The following NCKAP5 variants were observed in gnomAD, a reference collection of about 807,000 sequenced individuals.
NCKAP5 encodes nck-associated protein 5.
In NCKAP5, 92 loss-of-function variants were observed where a neutral mutation model predicts 167.0. The ratio of observed to expected loss-of-function variants is 0.55; its 90% CI spans 0.47 to 0.66. The LOEUF is 0.66. Ranked by LOEUF, NCKAP5 falls within the 30% of genes least tolerant of loss-of-function variation. NCKAP5 has a pLI of 0.00. For missense variants in NCKAP5, 2,378 were observed against 2,315.0 expected (o/e 1.03, Z -0.56); for synonymous variants, 891 against 877.4 (o/e 1.02, Z -0.27).
chr2:133,621,634 T>C, the NCKAP5 span, among the ~76,000 whole-genome samples: 1 of 151,884 alleles, frequency 6.6e-6, no homozygotes, highest in Admixed American at 6.6e-5. Context: ...GAGCATGAAA[T>C]GGTAATTTAA....
intron 5 of NCKAP5, among the ~76,000 whole-genome samples, chr2:133,198,466 C>A (rs2085534503): frequency 6.6e-6 from 1 of 151,992 alleles, no homozygotes; most frequent in Non-Finnish European, 1.5e-5. Flanking sequence ...ATCATGGAAA[C>A]TAGAAGGAAG....
At chr2:132,904,084 C>T (rs1437977046) in intron 8 of NCKAP5, among the ~76,000 whole-genome samples, 1 of 151,844 alleles carries the variant, frequency 6.6e-6, no homozygotes, top group Non-Finnish European at 1.5e-5. Flanking sequence ...GTCAGGAGAT[C>T]GAGACCATCT....
At chr2:133,668,720 T>C in the NCKAP5 span, among the ~76,000 whole-genome samples, 97 of 150,608 alleles carry the variant, frequency 6.4e-4, 1 homozygote, top group African/African-American at 2.2e-3. Flanking sequence ...CTACTTGGAG[T>C]TTATTGAGCT....
chr2:133,640,761 T>G, the NCKAP5 span, among the ~76,000 whole-genome samples: 2 of 152,186 alleles, frequency 1.3e-5, no homozygotes. Flanking sequence ...ATAGAATAAA[T>G]GAAAATCTCT....
the NCKAP5 span, among the ~76,000 whole-genome samples, chr2:133,631,624 A>C: frequency 6.6e-6 from 1 of 152,120 alleles, no homozygotes; most frequent in Non-Finnish European, 1.5e-5. Flanking sequence ...ATTGGAGGAG[A>C]TCTGTAGATT....
chr2:133,030,059 G>A (rs4522657), intron 6 of NCKAP5, among the ~76,000 whole-genome samples: 41,868 of 152,070 alleles, frequency 0.28, 7,669 homozygotes, highest in African/African-American at 0.52. Flanking sequence ...AACCCCCTCC[G>A]ACACAGAAAC....
Position 133,212,895 on chromosome 2 carries a change from T to C in NCKAP5, c.207+821A>G, listed in dbSNP as rs972928465. 2.0e-5 allele frequency among the ~76,000 whole-genome samples: 3 copies of C among 152,230 alleles called. No individual in the cohort carries two copies. In the South Asian group the frequency reaches 6.2e-4, roughly 32 times the overall value. ...CAAATGTCTTACCCTTTTCAGTGGA[T>C]GGCCTGTCAATTAACTCTCATGAAA... On this transcript the variant is annotated intron_variant, in intron 5 of 19. Transcript: ENST00000409261.
At chr2:133,305,074 C>T (rs897082293) in intron 3 of NCKAP5, among the ~76,000 whole-genome samples, 1 of 152,144 alleles carries the variant, frequency 6.6e-6, no homozygotes. Flanking sequence ...GTTGGAGGAA[C>T]AGAAGGAAGC....
chr2:132,952,600 T>C lies in NCKAP5; in HGVS notation c.579+11120A>G, dbSNP rs368022020. 3.9e-5 allele frequency among the ~76,000 whole-genome samples: 6 copies of C among 152,260 alleles called. No individual in the cohort carries two copies. In the East Asian group the frequency reaches 7.7e-4, roughly 20 times the overall value. On this transcript the variant is annotated intron_variant, in intron 8 of 19. Transcript: ENST00000409261. ...GGCTGCTGTAAAACAGCAATGGAGA[T>C]GCTAATAAAACCCAAGGTAAGAGGA...
intron 8 of NCKAP5, among the ~76,000 whole-genome samples, chr2:132,944,233 A>C (rs1184170321): frequency 6.6e-6 from 1 of 152,150 alleles, no homozygotes; most frequent in Non-Finnish European, 1.5e-5. Flanking sequence ...AGAGGGATTC[A>C]ATTGTTCTAC....
chr2:132,950,155 C>T (rs1196004527), intron 8 of NCKAP5, among the ~76,000 whole-genome samples: 2 of 152,072 alleles, frequency 1.3e-5, no homozygotes, highest in Non-Finnish European at 2.9e-5. Flanking sequence ...CACCTTTACT[C>T]CTAGATTGTA....
At chr2:132,795,832 A>AAAAC (rs1558790725) in intron 12 of NCKAP5, among the ~76,000 whole-genome samples, 1 of 149,840 alleles carries the variant, frequency 6.7e-6, no homozygotes, top group African/African-American at 2.4e-5. Flanking sequence ...AAAAAAAAAA[A>AAAAC]AAAAAACAAA....
chr2:133,016,173 G>T (rs370631829), intron 6 of NCKAP5, among the ~76,000 whole-genome samples: 1 of 152,134 alleles, frequency 6.6e-6, no homozygotes, highest in South Asian at 2.1e-4. Flanking sequence ...CCCATGCTCC[G>T]CAGTAAAACC....
intron 3 of NCKAP5, chr2:133,431,691 C>T (rs917678151): frequency 4.6e-5 from 7 of 152,058 alleles, no homozygotes; most frequent in African/African-American, 1.4e-4. Flanking sequence ...TTGTAGGAGG[C>T]ATATTTTATT....
intron 11 of NCKAP5, among the ~76,000 whole-genome samples, chr2:132,804,096 C>A (rs752277337): frequency 2.1e-5 from 3 of 146,184 alleles, no homozygotes; most frequent in Admixed American, 7.0e-5. Flanking sequence ...AAACAAAATT[C>A]GGAAATATTT....
chr2:133,663,565 TG>T, the NCKAP5 span, among the ~76,000 whole-genome samples: 4 of 152,238 alleles, frequency 2.6e-5, no homozygotes, highest in Admixed American at 2.6e-4. Flanking sequence ...TCTAATCCTT[TG>T]TTGTCATTTC....
intron 11 of NCKAP5, among the ~76,000 whole-genome samples, chr2:132,836,815 T>C (rs938964992): frequency 3.3e-5 from 5 of 152,176 alleles, no homozygotes; most frequent in Non-Finnish European, 7.3e-5. Flanking sequence ...GCTGTACAGC[T>C]GTTTATTTTG....
chr2:132,753,235 AAC>A (rs1680262347), intron 16 of NCKAP5, among the ~76,000 whole-genome samples: 1 of 152,214 alleles, frequency 6.6e-6, no homozygotes, highest in African/African-American at 2.4e-5. Flanking sequence ...TTCTAATTCA[AAC>A]ACAATTTTTA....
At chr2:133,442,891 G>A (rs993386108) in intron 3 of NCKAP5, among the ~76,000 whole-genome samples, 11 of 152,204 alleles carry the variant, frequency 7.2e-5, no homozygotes. Context: ...CAGCCACAGA[G>A]TGCTCCTCCA....
Sources: allele counts gnomAD v4.1 joint callset (sites outside exome capture counted in the v4.1 genomes callset), GRCh38; gene constraint gnomAD v4.1.1; transcripts MANE v1.5; gene names NCBI Gene and HGNC (gene_info 2026-07-23, HGNC 2026-07-21).